TYK2: variants seen among roughly 807,000 people sequenced by gnomAD.
TYK2 encodes the protein non-receptor tyrosine-protein kinase TYK2.
TYK2 carries 65 observed loss-of-function variants against 130.9 expected under a neutral mutation model. That is an observed-to-expected ratio of 0.50 (90% CI 0.41 to 0.61). The LOEUF (loss-of-function observed/expected upper bound fraction) is 0.61. Among genes scored for constraint, TYK2 ranks in the 20% least tolerant of loss-of-function variants. The pLI is 0.00. For synonymous variants in TYK2, 647 were observed against 658.9 expected (o/e 0.98, Z 0.28); for missense variants, 1,378 against 1,610.7 (o/e 0.86, Z 2.47).
Position 10,352,932 on chromosome 19 carries a change from A to G in TYK2, c.3194T>C (p.Val1065Ala). ...CTGCACCCCGCCTGGTCACCAGAAC[A>G]CGGGGCTGTCCCCATCCTCGCGCAC... is the stretch of plus-strand genomic sequence containing the variant. ...YRVREDGDSP[V>A]FWYAPECLKE... is the part of the protein sequence containing the mutation. Residue 1065 changes from valine to alanine, a missense_variant, in exon 22 of 25, where the codon GTG becomes GCG. Transcript: ENST00000525621. 6.2e-7 allele frequency: 1 copy of G among 1,607,290 alleles called. No individual in the cohort carries two copies. The highest frequency in any genetic ancestry group is 8.5e-7 in the Non-Finnish European group (1 of 1,177,468).
intron 19 of TYK2, 116 bp from the exon 20 acceptor site, chr19:10,354,350 G>T (rs1422031569): frequency 1.4e-6 from 2 of 1,384,080 alleles, no homozygotes; most frequent in African/African-American, 1.4e-5. Context: ...CCCAGGCCCC[G>T]CCTACTCCGC....
intron 5 of TYK2, 93 bp downstream of exon 5, chr19:10,367,962 A>C: frequency 7.0e-7 from 1 of 1,421,740 alleles, no homozygotes; most frequent in Non-Finnish European, 9.9e-7. Context: ...GTTGAAACCT[A>C]TTAGCTATAT....
intron 5 of TYK2, among the ~76,000 whole-genome samples, chr19:10,367,638 C>T (rs1025067814): frequency 1.3e-4 from 19 of 146,520 alleles, no homozygotes; most frequent in Non-Finnish European, 1.8e-4. Flanking sequence ...AAAAAAAGAT[C>T]GGCTGGGAGC....
In TYK2 at chr19:10,358,015, G is replaced by A; in HGVS notation, c.2299C>T (p.Leu767Phe). The A allele has an allele frequency of 6.2e-7, 1 of 1,613,488 alleles. No individual in the cohort carries two copies. ...LSDPGVGLGA[L>F]SREERVERIP... ...CTCAGGTACTCACCCTCCCTGGAGA[G>A]GGCGCCCAGGCCCACGCCAGGATCA... The change falls in exon 16 of 25, where the codon CTC becomes TTC. Residue 767 changes from leucine (L) to phenylalanine (F), a missense_variant. Leu to Phe is a conservative substitution (Grantham distance 22). Coordinates refer to ENST00000525621, the MANE Select transcript of TYK2 (RefSeq NM_003331.5).
In TYK2 at chr19:10,362,669, T is replaced by C. The variant is rs779229819; in HGVS notation, c.1368-12A>G. The C allele has an allele frequency of 5.8e-6, 9 of 1,550,558 alleles. No individual in the cohort carries two copies. Among genetic ancestry groups the C allele is most frequent in the Non-Finnish European group, 7.0e-6 (8 of 1,146,508 alleles). On this transcript the variant is annotated splice_polypyrimidine_tract_variant and intron_variant, in intron 9 of 24. Coordinates refer to ENST00000525621, the MANE Select transcript of TYK2 (RefSeq NM_003331.5). Reference sequence around the variant, plus strand: ...GCACAAATGGCTCCCTGGAAGGTGGTCCAGGGGGACTATCAGGCCACCTGG... The same window carrying C: ...GCACAAATGGCTCCCTGGAAGGTGGCCCAGGGGGACTATCAGGCCACCTGG...
chr19:10,360,190 TA>T (rs545328549), intron 14 of TYK2, among the ~76,000 whole-genome samples: 496 of 141,350 alleles, frequency 3.5e-3, no homozygotes, highest in Middle Eastern at 0.011. Flanking sequence ...TCAAAAAAAT[TA>T]AAAAAAAAAA....
chr19:10,372,458 CTATATATA>C (rs569826524), intron 3 of TYK2, among the ~76,000 whole-genome samples: 16 of 45,970 alleles, frequency 3.5e-4, no homozygotes, highest in Admixed American at 1.4e-3. Context: ...CCACACACAG[CTATATATA>C]TATATATATA....
chr19:10,378,161 C>G (rs2042240754), intron 3 of TYK2, 53 bp downstream of exon 3: 2 of 1,588,170 alleles, frequency 1.3e-6, no homozygotes, highest in South Asian at 2.2e-5. Context: ...TGGGGCCCAG[C>G]TGCTGCTTGC....
intron 3 of TYK2, among the ~76,000 whole-genome samples, chr19:10,377,652 A>ATAGATGCATGGGTGGAGGG (rs2042197500): frequency 1.4e-3 from 1 of 698 alleles, no homozygotes; most frequent in Non-Finnish European, 2.7e-3. Flanking sequence ...GGGTGGATGG[A>ATAGATGCATGGGTGGAGGG]TGAATGGGTG....
In TYK2 at chr19:10,353,394, T is replaced by C. The variant is rs1468291812; in HGVS notation, c.3027+134A>G. 2 of 646,388 alleles carry C rather than the reference T, an allele frequency of 3.1e-6. No homozygotes were observed. The highest frequency in any genetic ancestry group is 3.0e-5 in the East Asian group (1 of 32,960). The allele number at this position is 646,388 out of a possible 1,614,324, so 40.0% of individuals were successfully genotyped here. A position where few individuals can be genotyped will look rare whatever the true frequency, so the allele number is the denominator to read the frequency against. On this transcript the variant is annotated intron_variant, in intron 21 of 24. Transcript: ENST00000525621. This position sits in a 1 kb window ranked among gnomAD's most constrained non-coding sequence, Gnocchi z 6.9. ...CCAAGCAAGCCAAACAGTTCGGAGGTCAGTGCAAGGACAAGACAGCCTGGG... is the reference window on the plus strand; with the variant it reads ...CCAAGCAAGCCAAACAGTTCGGAGGCCAGTGCAAGGACAAGACAGCCTGGG...
chr19:10,350,884 C>CTG lies in TYK2; in HGVS notation c.3512_3513dup (p.Val1172GlnfsTer103). On this transcript the variant is annotated frameshift_variant, in exon 25 of 25. Coordinates refer to ENST00000525621, the MANE Select transcript of TYK2 (RefSeq NM_003331.5). LOFTEE classifies it high-confidence loss of function. Reference sequence around the variant, plus strand: ...GCCTGGCCTTGGTACTTCTCATGGACTGTCTTCAGAATGGGTATGAGGTTC... The same window carrying CTG: ...GCCTGGCCTTGGTACTTCTCATGGACTGTGTCTTCAGAATGGGTATGAGGTTC... 1 of 1,614,186 alleles carries CTG rather than the reference C, an allele frequency of 6.2e-7. No individual in the cohort carries two copies. The highest frequency in any genetic ancestry group is 8.5e-7 in the Non-Finnish European group (1 of 1,180,038).
Position 10,365,007 on chromosome 19 carries a change from C to T in TYK2, c.1053G>A (p.Leu351=), listed in dbSNP as rs749641141. 1 of 1,612,224 alleles carries T rather than the reference C, an allele frequency of 6.2e-7. No homozygotes were observed. Among genetic ancestry groups the T allele is most frequent in the Non-Finnish European group, 8.5e-7 (1 of 1,178,864 alleles). Residue 351 remains leucine, a synonymous_variant, in exon 8 of 25, where the codon CTG becomes CTA. Coordinates refer to ENST00000525621, the MANE Select transcript of TYK2 (RefSeq NM_003331.5). ...GSSGRNPQAS[L]FGKKAKAHKA... is the part of the protein sequence containing the mutation. ...TGTGAGCCTTGGCCTTCTTCCCAAA[C>T]AGGCTGGCTTGGGGGTTCCTGCCAC...
In TYK2 at chr19:10,350,691, T is replaced by TG. The variant is rs1226949665; in HGVS notation, c.*142dup. 2 of 950,690 alleles carry TG rather than the reference T, an allele frequency of 2.1e-6. No homozygotes were observed. The highest frequency in any genetic ancestry group is 2.5e-5 in the East Asian group (1 of 39,718). The allele number at this position is 950,690 out of a possible 1,614,324, so 58.9% of individuals were successfully genotyped here. A position where few individuals can be genotyped will look rare whatever the true frequency, so the allele number is the denominator to read the frequency against. On this transcript the variant is annotated 3_prime_UTR_variant, in exon 25 of 25. Coordinates refer to ENST00000525621, the MANE Select transcript of TYK2 (RefSeq NM_003331.5). ...AGAAAGAAAAATAAGTTCACAGAGG[T>TG]GGGGTCTCTAGACAGGAGTAAGGCA... is the stretch of plus-strand genomic sequence containing the variant.
chr19:10,359,423 GT>G, intron 14 of TYK2, 121 bp from the exon 15 acceptor site: 1 of 1,232,454 alleles, frequency 8.1e-7, no homozygotes, highest in Non-Finnish European at 1.2e-6. Context: ...GGGCAGAGGT[GT>G]GGGTGGAGTT....
chr19:10,362,631 C>A lies in TYK2; in HGVS notation c.1394G>T (p.Arg465Leu), dbSNP rs771922681. Residue 465 changes from arginine to leucine, a missense_variant, in exon 10 of 25, where the codon CGG becomes CTG. Physicochemically the swap from Arg to Leu is moderately radical, Grantham distance 102. Transcript: ENST00000525621. ...AATGAGGTACAGGCCGTCCTCGGGCCGCAGCTTGGCCTGCACAAATGGCTC... is the reference window on the plus strand; with the variant it reads ...AATGAGGTACAGGCCGTCCTCGGGCAGCAGCTTGGCCTGCACAAATGGCTC... ...LLEPFVQAKL[R>L]PEDGLYLIHW... 3 of 1,551,720 alleles carry A rather than the reference C, an allele frequency of 1.9e-6. No individual in the cohort carries two copies. The highest frequency in any genetic ancestry group is 2.7e-5 in the African/African-American group (2 of 73,054).
chr19:10,360,565 A>G (rs1199824627), intron 14 of TYK2, among the ~76,000 whole-genome samples: 3 of 151,806 alleles, frequency 2.0e-5, no homozygotes, highest in Non-Finnish European at 2.9e-5. Context: ...GGCATGGATA[A>G]GCAGAGGCTA....
At chr19:10,376,078 T>C (rs1422987151) in intron 3 of TYK2, among the ~76,000 whole-genome samples, 2 of 149,942 alleles carry the variant, frequency 1.3e-5, no homozygotes, top group African/African-American at 4.9e-5. Context: ...AATGGCACGA[T>C]CTCAGCTCAC....
chr19:10,362,040 G>T, intron 12 of TYK2, 38 bp downstream of exon 12: 1 of 1,613,070 alleles, frequency 6.2e-7, no homozygotes, highest in Non-Finnish European at 8.5e-7. Context: ...CATCCCCAGG[G>T]GCCCTGCCCT....
intron 22 of TYK2, 147 bp downstream of exon 22, chr19:10,352,779 G>T: frequency 2.8e-6 from 3 of 1,082,776 alleles, no homozygotes; most frequent in East Asian, 2.6e-5. Flanking sequence ...ACCGCCCCTT[G>T]CCTCCATAGG....
Sources: gnomAD v4.1 joint callset for allele counts (sites outside exome capture counted in the v4.1 genomes callset) on GRCh38, gnomAD v4.1.1 for gene constraint, Gnocchi (gnomAD v3.1) non-coding constraint, MANE v1.5 for transcripts, NCBI Gene and HGNC (gene_info 2026-07-23, HGNC 2026-07-21) for gene names.